Variants in LPCAT2 observed in about 807,000 individuals in gnomAD.
The protein encoded by LPCAT2 is lysophosphatidylcholine acyltransferase 2.
Under a neutral mutation model 64.7 loss-of-function variants are expected in LPCAT2, and 58 were observed. The observed-to-expected ratio is 0.90, with a 90% CI of 0.73 to 1.12. The LOEUF is 1.12. Ranked by LOEUF, LPCAT2 falls within the 50% of genes most tolerant of loss-of-function variation. The pLI is 0.00. For missense variants in LPCAT2, 579 were observed against 669.8 expected (o/e 0.86, Z 1.50); for synonymous variants, 252 against 245.3 (o/e 1.03, Z -0.26).
chr16:55,511,489 C>T (rs1045329910), intron 1 of LPCAT2, among the ~76,000 whole-genome samples: 8 of 152,140 alleles, frequency 5.3e-5, no homozygotes, highest in African/African-American at 1.7e-4. Flanking sequence ...CAATGTCTTG[C>T]TTAAGGACTG....
At chr16:55,533,275 G>A (rs1254232422) in intron 6 of LPCAT2, among the ~76,000 whole-genome samples, 1 of 152,002 alleles carries the variant, frequency 6.6e-6, no homozygotes, top group African/African-American at 2.4e-5. Flanking sequence ...GAAATAGCAG[G>A]ATAAATATTA....
intron 9 of LPCAT2, among the ~76,000 whole-genome samples, chr16:55,548,643 C>T (rs767023824): frequency 8.5e-5 from 13 of 152,136 alleles, no homozygotes; most frequent in Non-Finnish European, 1.8e-4. Flanking sequence ...CTGTCTTAGC[C>T]TCCTGAGTAG....
At position 55,573,712 on chromosome 16, in the gene LPCAT2, C is replaced by T. The variant is rs147599959; in HGVS notation, c.1216-919C>T. On this transcript the variant is annotated intron_variant, in intron 11 of 13. Coordinates refer to ENST00000262134, the MANE Select transcript of LPCAT2 (RefSeq NM_017839.5). ...CTTTCTTTCTCCCTCCTCCTACCCT[C>T]CCTCCACCTCTTTATCTTTTTCTAA... Among the ~76,000 whole-genome samples, 1,004 of 152,194 alleles carry T rather than the reference C, an allele frequency of 6.6e-3. 21 individuals carry two copies. Among genetic ancestry groups the T allele is most frequent in the African/African-American group, 0.023 (943 of 41,534 alleles).
intron 8 of LPCAT2, among the ~76,000 whole-genome samples, chr16:55,542,851 A>G: frequency 6.6e-6 from 1 of 152,260 alleles, no homozygotes; most frequent in African/African-American, 2.4e-5. Context: ...TGGCTGAGGT[A>G]GAGTCTAGAA....
At chr16:55,532,277 A>C in intron 5 of LPCAT2, 1 of 232,370 alleles carries the variant, frequency 4.3e-6, no homozygotes, top group Non-Finnish European at 8.4e-6. Context: ...AACCTATCTC[A>C]TTATCATTAT....
At chr16:55,528,236 T>G (rs765770555) in intron 2 of LPCAT2, 141 bp from the exon 3 acceptor site, 48 of 637,140 alleles carry the variant, frequency 7.5e-5, no homozygotes, top group Non-Finnish European at 1.1e-4. Flanking sequence ...TCCATGTAAG[T>G]GTTAGCTGTT....
intron 6 of LPCAT2, among the ~76,000 whole-genome samples, chr16:55,533,596 A>G (rs1169553164): frequency 2.0e-5 from 3 of 151,844 alleles, no homozygotes; most frequent in Non-Finnish European, 4.4e-5. Context: ...AATTTTTAAT[A>G]GAGACAGGGT....
rs564257299 is a variant in LPCAT2, at chr16:55,559,571, A to C, written c.1215+8469A>C. 3.9e-5 allele frequency among the ~76,000 whole-genome samples: 6 copies of C among 152,232 alleles called. No individual in the cohort carries two copies. In the East Asian group the frequency reaches 9.7e-4, roughly 25 times the overall value. On this transcript the variant is annotated intron_variant, in intron 11 of 13. Transcript: ENST00000262134. ...GTGCAGGTTTTCTGCTCATGCTGAGAGTTAGGACAGGGCACTTAGGTGGCT... is the reference window on the plus strand; with the variant it reads ...GTGCAGGTTTTCTGCTCATGCTGAGCGTTAGGACAGGGCACTTAGGTGGCT...
intron 8 of LPCAT2, among the ~76,000 whole-genome samples, chr16:55,544,876 G>A (rs1963436207): frequency 6.6e-6 from 1 of 152,090 alleles, no homozygotes; most frequent in Non-Finnish European, 1.5e-5. Context: ...ATGCCTTTAG[G>A]TAAGTTAATT....
intron 13 of LPCAT2, among the ~76,000 whole-genome samples, chr16:55,581,760 C>A (rs1963889279): frequency 6.6e-6 from 1 of 152,052 alleles, no homozygotes; most frequent in Non-Finnish European, 1.5e-5. Flanking sequence ...TTTATCCACC[C>A]AAAAGAAGAG....
chr16:55,537,913 A>G (rs1362400), intron 8 of LPCAT2, among the ~76,000 whole-genome samples: 121,555 of 152,146 alleles, frequency 0.8, 51,622 homozygotes, highest in Non-Finnish European at 0.94. Flanking sequence ...ATTGAATGAT[A>G]TATTTTCACA....
intron 8 of LPCAT2, chr16:55,539,766 A>G (rs530057148): frequency 6.6e-6 from 1 of 151,882 alleles, no homozygotes; most frequent in East Asian, 1.9e-4. Context: ...TCCAGTTTCA[A>G]TTGTCTTGGT....
At chr16:55,578,664 T>A (rs1181532451) in intron 12 of LPCAT2, among the ~76,000 whole-genome samples, 1 of 152,192 alleles carries the variant, frequency 6.6e-6, no homozygotes, top group East Asian at 1.9e-4. Flanking sequence ...ACTCCCATTA[T>A]AATCCTACAG....
chr16:55,532,846 A>G lies in LPCAT2; in HGVS notation c.726A>G (p.Pro242=). Residue 242 remains proline (P), a synonymous_variant, in exon 6 of 14, where the codon CCA becomes CCG. Transcript: ENST00000262134. ...CAGGAGCCTTCATTCCAGGAGTTCC[A>G]GTGCAGCCAGTCCTCCTCAGATACC... ...FKPGAFIPGV[P]VQPVLLRYPN... is the part of the protein sequence containing the mutation. The G allele has an allele frequency of 6.2e-7, 1 of 1,612,136 alleles. No individual in the cohort carries two copies. The highest frequency in any genetic ancestry group is 8.5e-7 in the Non-Finnish European group (1 of 1,178,706).
chr16:55,540,297 C>G (rs1963380307), intron 8 of LPCAT2: 1 of 152,148 alleles, frequency 6.6e-6, no homozygotes, highest in South Asian at 2.1e-4. Flanking sequence ...ATGAAGTTGT[C>G]TGTCTACAGA....
In LPCAT2 at chr16:55,549,302, C is replaced by T; in HGVS notation, c.961C>T (p.His321Tyr). The T allele has an allele frequency of 1.3e-6, 2 of 1,595,038 alleles. No individual in the cohort carries two copies. Among genetic ancestry groups the T allele is most frequent in the Non-Finnish European group, 1.7e-6 (2 of 1,172,522 alleles). ...AEALGIPVTD[H>Y]TYEDCRLMIS... ...AGCTCTGGGAATACCAGTAACAGAT[C>T]ATACCTATGAAGACTGCAGATTGAT... The change falls in exon 10 of 14, where the codon CAT becomes TAT. Residue 321 changes from histidine to tyrosine, a missense_variant. Transcript: ENST00000262134.
chr16:55,546,793 CTTTCT>C (rs200953559), intron 9 of LPCAT2, among the ~76,000 whole-genome samples: 2,520 of 152,126 alleles, frequency 0.017, 34 homozygotes, highest in South Asian at 0.062. Context: ...TCTTCTCTTC[CTTTCT>C]TATGTTTTCA....
intron 9 of LPCAT2, among the ~76,000 whole-genome samples, chr16:55,548,606 T>TCTG: frequency 6.6e-6 from 1 of 152,316 alleles, no homozygotes; most frequent in African/African-American, 2.4e-5. Flanking sequence ...CACTGCAACC[T>TCTG]CTGCCTCCTG....
intron 11 of LPCAT2, among the ~76,000 whole-genome samples, chr16:55,553,401 C>T (rs1364134886): frequency 2.0e-5 from 3 of 152,208 alleles, no homozygotes; most frequent in African/African-American, 7.2e-5. Context: ...TAACAATGTT[C>T]ACAGCATCTT....
Sources: allele counts gnomAD v4.1 joint callset (sites outside exome capture counted in the v4.1 genomes callset), GRCh38; gene constraint gnomAD v4.1.1; transcripts MANE v1.5; gene names NCBI Gene and HGNC (gene_info 2026-07-23, HGNC 2026-07-21).